LYRM4: variants seen among roughly 807,000 people sequenced by gnomAD.
LYRM4 encodes LYR motif containing 4, also known as LYR motif-containing protein 4.
LYRM4 carries 9 observed loss-of-function variants against 11.7 expected under a neutral mutation model. The observed-to-expected ratio is 0.77, with a 90% CI of 0.46 to 1.34. The LOEUF (loss-of-function observed/expected upper bound fraction) is 1.34, where lower values mean the gene tolerates loss of function less well. Ranked by LOEUF, LYRM4 falls within the 40% of genes most tolerant of loss-of-function variation. The pLI, the probability that LYRM4 is intolerant of heterozygous loss-of-function variation, is 0.00. For missense variants in LYRM4, 133 were observed against 112.5 expected, an observed-to-expected ratio of 1.18 and a Z score of -0.82; for synonymous variants, 42 against 40.4, an observed-to-expected ratio of 1.04 and a Z score of -0.15.
chr6:5,046,183 G>A, the LYRM4 span, among the ~76,000 whole-genome samples: 6 of 151,598 alleles, frequency 4.0e-5, no homozygotes, highest in East Asian at 7.7e-4. Context: ...GTCTCACTCC[G>A]TTTCCCACGC....
chr6:5,205,326 A>G (rs1344765119), intron 2 of LYRM4, among the ~76,000 whole-genome samples: 1 of 151,966 alleles, frequency 6.6e-6, no homozygotes, highest in African/African-American at 2.4e-5. Flanking sequence ...GCTAGGTCCC[A>G]AGGACATGGA....
intron 2 of LYRM4, among the ~76,000 whole-genome samples, chr6:5,171,870 G>A (rs907760412): frequency 2.0e-5 from 3 of 152,106 alleles, no homozygotes; most frequent in Non-Finnish European, 2.9e-5. Context: ...GAAGGGATAC[G>A]GGAAGAATTA....
chr6:5,106,836 C>G (rs533399689), downstream of LYRM4: 8 of 152,416 alleles, frequency 5.2e-5, no homozygotes, highest in African/African-American at 1.4e-4. Context: ...ATCTTCAAAG[C>G]AGGCACAAGT....
At chr6:5,097,097 A>G in the LYRM4 span, among the ~76,000 whole-genome samples, 1 of 152,226 alleles carries the variant, frequency 6.6e-6, no homozygotes, top group East Asian at 1.9e-4. Flanking sequence ...AGTTATGGAG[A>G]CTGTGGAGTC....
At chr6:5,218,795 G>A (rs776131282) in intron 1 of LYRM4, among the ~76,000 whole-genome samples, 4 of 152,326 alleles carry the variant, frequency 2.6e-5, no homozygotes, top group Non-Finnish European at 4.4e-5. Context: ...ACTCTCCTCA[G>A]GTGCAGCTGC....
intron 2 of LYRM4, among the ~76,000 whole-genome samples, chr6:5,165,912 T>C (rs1032990996): frequency 2.0e-5 from 3 of 152,222 alleles, no homozygotes; most frequent in Non-Finnish European, 2.9e-5. Context: ...GCTTCACATA[T>C]AATTCACTAA....
intron 2 of LYRM4, among the ~76,000 whole-genome samples, chr6:5,153,674 C>T (rs531525012): frequency 1.3e-5 from 2 of 152,304 alleles, no homozygotes; most frequent in Non-Finnish European, 2.9e-5. Context: ...AACAAAATCA[C>T]CTCTGTAAGT....
intron 2 of LYRM4, among the ~76,000 whole-genome samples, chr6:5,215,463 T>C (rs1261802082): frequency 6.6e-6 from 1 of 152,214 alleles, no homozygotes; most frequent in Non-Finnish European, 1.5e-5. Flanking sequence ...TTAGAGATCA[T>C]TTCCTAGGCC....
chr6:5,118,094 A>ATATATATATTTTTTTTTTTT, intron 2 of LYRM4, among the ~76,000 whole-genome samples: 17 of 86,122 alleles, frequency 2.0e-4, no homozygotes, highest in Admixed American at 1.6e-3. Flanking sequence ...ATATATATAT[A>ATATATATATTTTTTTTTTTT]TTTTTGTTTT....
chr6:5,228,937 G>C (rs978926247), intron 1 of LYRM4, among the ~76,000 whole-genome samples: 4 of 145,254 alleles, frequency 2.8e-5, no homozygotes, highest in Non-Finnish European at 5.9e-5. Context: ...CCGGGAGACA[G>C]AGCTTGCAGC....
At chr6:5,085,467 T>G in the LYRM4 span, 9 of 1,519,764 alleles carry the variant, frequency 5.9e-6, no homozygotes, top group African/African-American at 1.1e-4. Context: ...CCCGAGCAAG[T>G]CCAGGGGCGA....
chr6:5,132,733 T>C (rs1249648934), intron 2 of LYRM4: 4 of 152,200 alleles, frequency 2.6e-5, no homozygotes, highest in Non-Finnish European at 4.4e-5. Context: ...TGAAGCACCA[T>C]GGGGAGCCGT....
intron 1 of LYRM4, among the ~76,000 whole-genome samples, chr6:5,259,826 T>C (rs1467126858): frequency 6.7e-6 from 1 of 149,680 alleles, no homozygotes; most frequent in Non-Finnish European, 1.5e-5. Context: ...AAAACAAATC[T>C]AAAAAAAAAT....
chr6:5,109,462 G>A lies in LYRM4; in HGVS notation c.237C>T (p.Asp79=). ...TGTCTCGATTCTCAATGATCAGCTT[G>A]TCAGTTGAATACAGTTGGCCAATGT... The part of the protein sequence containing the change: ...QVHIGQLYST[D]KLIIENRDMP... The change falls in exon 3 of 3, where the codon GAC becomes GAT. Residue 79 remains aspartate (D), a synonymous_variant. Coordinates refer to ENST00000330636, the MANE Select transcript of LYRM4 (RefSeq NM_020408.6). 1 of 1,614,116 alleles carries A rather than the reference G, an allele frequency of 6.2e-7. No homozygotes were observed. Among genetic ancestry groups the A allele is most frequent in the Non-Finnish European group, 8.5e-7 (1 of 1,179,976 alleles).
chr6:5,211,591 G>A (rs1761989205), intron 2 of LYRM4, among the ~76,000 whole-genome samples: 1 of 152,120 alleles, frequency 6.6e-6, no homozygotes, highest in East Asian at 1.9e-4. Context: ...TACAACTGCA[G>A]ATTCTGAACT....
intron 2 of LYRM4, among the ~76,000 whole-genome samples, chr6:5,169,111 T>C (rs1759267910): frequency 6.6e-6 from 1 of 152,208 alleles, no homozygotes; most frequent in Admixed American, 6.5e-5. Context: ...AACTTTTTTT[T>C]TGAGACAAGT....
At chr6:5,124,949 G>A (rs988706131) in intron 2 of LYRM4, among the ~76,000 whole-genome samples, 2 of 152,266 alleles carry the variant, frequency 1.3e-5, no homozygotes, top group East Asian at 1.9e-4. Context: ...TCTGACATGA[G>A]ACTGTGAGCC....
chr6:5,168,587 G>A (rs1759227963), intron 2 of LYRM4, among the ~76,000 whole-genome samples: 1 of 152,136 alleles, frequency 6.6e-6, no homozygotes, highest in Non-Finnish European at 1.5e-5. Flanking sequence ...GATTACAGGA[G>A]ATAAAACAAA....
chr6:5,223,786 T>C (rs1245045515), intron 1 of LYRM4, among the ~76,000 whole-genome samples: 1 of 152,210 alleles, frequency 6.6e-6, no homozygotes, highest in Non-Finnish European at 1.5e-5. Context: ...TGGAGGCTCG[T>C]GGAGTGGCAG....
Sources: allele counts gnomAD v4.1 joint callset (sites outside exome capture counted in the v4.1 genomes callset), GRCh38; gene constraint gnomAD v4.1.1; transcripts MANE v1.5; gene names NCBI Gene and HGNC (gene_info 2026-07-23, HGNC 2026-07-21).